The following PCDHA2 variants were observed in gnomAD, a reference collection of about 807,000 sequenced individuals.
PCDHA2 encodes protocadherin alpha-2.
A neutral mutation model predicts 66.0 loss-of-function variants in PCDHA2; 58 were observed. The ratio of observed to expected loss-of-function variants is 0.88; its 90% CI spans 0.71 to 1.09. The LOEUF is 1.09. PCDHA2 is among the 50% of genes least tolerant of loss of function. The pLI, the probability that PCDHA2 is intolerant of heterozygous loss-of-function variation, is 0.00. For synonymous variants in PCDHA2, 634 were observed against 554.0 expected (o/e 1.14, Z -2.03); for missense variants, 1,267 against 1,242.3 (o/e 1.02, Z -0.30).
intron 1 of PCDHA2, 166 bp from the exon 2 acceptor site, chr5:140,978,783 A>G: frequency 1.0e-6 from 1 of 972,136 alleles, no homozygotes. Context: ...TTTCTTCTAA[A>G]GTGCTATATA....
At chr5:140,959,443 G>C (rs1472511414) in intron 1 of PCDHA2, among the ~76,000 whole-genome samples, 1 of 151,580 alleles carries the variant, frequency 6.6e-6, no homozygotes, top group Non-Finnish European at 1.5e-5. Context: ...TTTCTATTTT[G>C]TGCTGAAAAG....
At chr5:140,866,752 C>G (rs928654608) in intron 1 of PCDHA2, 1 of 152,140 alleles carries the variant, frequency 6.6e-6, no homozygotes, top group Non-Finnish European at 1.5e-5. Context: ...ATATGACTAA[C>G]AGGACATACA....
intron 1 of PCDHA2, among the ~76,000 whole-genome samples, chr5:140,895,943 TG>T (rs1176755658): frequency 6.6e-6 from 1 of 152,148 alleles, no homozygotes; most frequent in Non-Finnish European, 1.5e-5. Flanking sequence ...CCCGAGTAGC[TG>T]GGATTACAGG....
intron 1 of PCDHA2, chr5:140,858,792 T>C (rs1554152021): frequency 2.6e-6 from 1 of 385,722 alleles, no homozygotes; most frequent in Admixed American, 4.5e-5. Context: ...GTTATTTCAT[T>C]TCCAATCTAA....
At chr5:140,842,910 T>C (rs1778388313) in intron 1 of PCDHA2, 1 of 1,594,510 alleles carries the variant, frequency 6.3e-7, no homozygotes, top group Non-Finnish European at 8.6e-7. Context: ...GAGCTAGAGC[T>C]GCTGCAGTTC....
intron 1 of PCDHA2, chr5:140,969,580 AT>A: frequency 2.2e-6 from 2 of 914,646 alleles, no homozygotes; most frequent in Non-Finnish European, 3.2e-6. Flanking sequence ...AGAAGTGAGG[AT>A]TAGTCTTAAT....
intron 1 of PCDHA2, among the ~76,000 whole-genome samples, chr5:140,916,213 T>A (rs2077480691): frequency 6.6e-6 from 1 of 152,134 alleles, no homozygotes; most frequent in Non-Finnish European, 1.5e-5. Context: ...CTGGGGAAGA[T>A]CCAAATATGC....
chr5:140,805,901 G>T (rs1763649700), intron 1 of PCDHA2, among the ~76,000 whole-genome samples: 1 of 152,052 alleles, frequency 6.6e-6, no homozygotes, highest in Non-Finnish European at 1.5e-5. Flanking sequence ...AACATTTTCT[G>T]CAGGGTAAAT....
At chr5:140,894,405 CT>C (rs1198263353) in intron 1 of PCDHA2, among the ~76,000 whole-genome samples, 2 of 151,926 alleles carry the variant, frequency 1.3e-5, no homozygotes, top group African/African-American at 4.8e-5. Context: ...CTTTGCTTTT[CT>C]TTTGTAGCTA....
At chr5:140,884,381 T>C in intron 1 of PCDHA2, 2 of 1,613,986 alleles carry the variant, frequency 1.2e-6, no homozygotes, top group Non-Finnish European at 1.7e-6. Flanking sequence ...CATTGCCATC[T>C]GCGCGGTGTC....
chr5:141,003,308 A>C (rs2098118679), intron 3 of PCDHA2, among the ~76,000 whole-genome samples: 1 of 152,200 alleles, frequency 6.6e-6, no homozygotes, highest in Non-Finnish European at 1.5e-5. Context: ...TGAAGTGGCC[A>C]GCTACTTCCA....
chr5:140,966,538 C>T, intron 1 of PCDHA2: 2 of 463,262 alleles, frequency 4.3e-6, no homozygotes, highest in South Asian at 1.1e-4. Flanking sequence ...GGTTGAGCGA[C>T]TCGGAGGCGA....
intron 3 of PCDHA2, among the ~76,000 whole-genome samples, chr5:141,008,087 A>G (rs1033572346): frequency 7.2e-5 from 11 of 152,172 alleles, no homozygotes; most frequent in African/African-American, 2.7e-4. Flanking sequence ...GTTATTCTAC[A>G]TGACAAAGAA....
At chr5:140,968,094 A>T in intron 1 of PCDHA2, 1 of 1,614,138 alleles carries the variant, frequency 6.2e-7, no homozygotes, top group Non-Finnish European at 8.5e-7. Flanking sequence ...ACAGCCACAG[A>T]TGGGGGAATA....
At chr5:140,888,394 C>T (rs1554183448) in intron 1 of PCDHA2, among the ~76,000 whole-genome samples, 2 of 152,134 alleles carry the variant, frequency 1.3e-5, no homozygotes, top group African/African-American at 2.4e-5. Flanking sequence ...TGCTAAACAC[C>T]ATCCAATTGC....
chr5:140,942,944 T>C (rs368380576), intron 1 of PCDHA2, among the ~76,000 whole-genome samples: 1 of 151,862 alleles, frequency 6.6e-6, no homozygotes, highest in African/African-American at 2.4e-5. Context: ...GTTTAAAGTG[T>C]AGACGTTCTG....
At chr5:140,954,214 T>C (rs1186171676) in intron 1 of PCDHA2, among the ~76,000 whole-genome samples, 1 of 152,254 alleles carries the variant, frequency 6.6e-6, no homozygotes, top group African/African-American at 2.4e-5. Flanking sequence ...TCCCATGTTT[T>C]TGCTATTGTG....
At chr5:140,947,374 T>C (rs1252253428) in intron 1 of PCDHA2, among the ~76,000 whole-genome samples, 7 of 151,768 alleles carry the variant, frequency 4.6e-5, no homozygotes, top group Admixed American at 4.6e-4. Context: ...TTGATCTATA[T>C]GTTTATCCTT....
intron 1 of PCDHA2, among the ~76,000 whole-genome samples, chr5:140,826,033 A>G (rs1314307511): frequency 6.6e-6 from 1 of 152,110 alleles, no homozygotes; most frequent in Non-Finnish European, 1.5e-5. Context: ...TGAATTCCCT[A>G]TTTCTGTTGC....
Sources: allele counts gnomAD v4.1 joint callset (sites outside exome capture counted in the v4.1 genomes callset), GRCh38; gene constraint gnomAD v4.1.1; transcripts MANE v1.5; gene names NCBI Gene and HGNC (gene_info 2026-07-23, HGNC 2026-07-21).